SYNE3: variants seen among roughly 807,000 people sequenced by gnomAD.
The protein encoded by SYNE3 is spectrin repeat containing nuclear envelope family member 3.
A neutral mutation model predicts 111.2 loss-of-function variants in SYNE3; 100 were observed. The ratio of observed to expected loss-of-function variants is 0.90; its 90% CI spans 0.77 to 1.06. The LOEUF is 1.06. Ranked by LOEUF, SYNE3 falls within the 50% of genes least tolerant of loss-of-function variation. SYNE3 has a pLI of 0.00. For synonymous variants in SYNE3, 547 were observed against 533.9 expected (o/e 1.02, Z -0.34); for missense variants, 1,160 against 1,240.3 (o/e 0.94, Z 0.97).
Position 95,433,335 on chromosome 14 carries a change from G to A in SYNE3, c.2613C>T (p.Thr871=), listed in dbSNP as rs150194117. The change falls in exon 16 of 18, where the codon ACC becomes ACT. Residue 871 remains threonine (T), a synonymous_variant. Coordinates refer to ENST00000682763, the MANE Select transcript of SYNE3 (RefSeq NM_152592.6). The stretch of plus-strand genomic sequence containing the variant: ...AGCGCAGATCTTCCAGCTCATCCGA[G>A]GTCCCCCTTGCTGGCCCGAGACGAA... ...NLLRLGPARG[T]SDELEDLRYQ... 2.2e-5 allele frequency: 36 copies of A among 1,614,132 alleles called. No individual in the cohort carries two copies. The African/African-American group carries it at 4.0e-4, about 18-fold the overall frequency.
chr14:95,437,115 G>A, intron 14 of SYNE3, 134 bp from the exon 15 acceptor site: 1 of 976,456 alleles, frequency 1.0e-6, no homozygotes, highest in Non-Finnish European at 1.5e-6. Context: ...GAGGCCTGGG[G>A]GATGAACAAT....
Position 95,439,141 on chromosome 14 carries a change from C to T in SYNE3, c.2268G>A (p.Leu756=). 4 of 1,614,260 alleles carry T rather than the reference C, an allele frequency of 2.5e-6. No homozygotes were observed. Among genetic ancestry groups the T allele is most frequent in the Non-Finnish European group, 3.4e-6 (4 of 1,180,050 alleles). ...SLLSLIRNWH[L]QRMEVDSGKK... ...TCCCCGAATCCACTTCCATCCTCTGCAGATGCCAGTTTCTGATGAGGCTGA... is the reference window on the plus strand; with the variant it reads ...TCCCCGAATCCACTTCCATCCTCTGTAGATGCCAGTTTCTGATGAGGCTGA... Residue 756 remains leucine (L), a synonymous_variant, in exon 14 of 18, where the codon CTG becomes CTA. Coordinates refer to ENST00000682763, the MANE Select transcript of SYNE3 (RefSeq NM_152592.6).
At chr14:95,422,323 T>C (rs150374725) in intron 17 of SYNE3, among the ~76,000 whole-genome samples, 210 of 152,186 alleles carry the variant, frequency 1.4e-3, no homozygotes, top group African/African-American at 4.8e-3. Context: ...AGGGGCCTCC[T>C]AGGCACCTTG....
At chr14:95,429,068 C>T (rs546925143) in intron 17 of SYNE3, among the ~76,000 whole-genome samples, 45 of 152,214 alleles carry the variant, frequency 3.0e-4, no homozygotes, top group African/African-American at 6.5e-4. Context: ...TACGTGCATG[C>T]GTGCGCATAA....
chr14:95,513,723 T>G (rs1890801633), intron 1 of SYNE3, among the ~76,000 whole-genome samples: 2 of 125,530 alleles, frequency 1.6e-5, no homozygotes, highest in Admixed American at 8.7e-5. Flanking sequence ...TGTGGTCCAG[T>G]CAGGCTGCTT....
chr14:95,467,721 G>A (rs1481414316), intron 3 of SYNE3, 74 bp downstream of exon 3: 11 of 1,551,506 alleles, frequency 7.1e-6, no homozygotes, highest in Middle Eastern at 3.4e-4. Flanking sequence ...CTCTTGGGCA[G>A]AGGGCCCAAG....
chr14:95,483,268 T>C (rs1002655713), intron 1 of SYNE3, among the ~76,000 whole-genome samples: 1 of 152,148 alleles, frequency 6.6e-6, no homozygotes, highest in Non-Finnish European at 1.5e-5. Flanking sequence ...CAGGCCCCAT[T>C]AGCGATTACA....
intron 1 of SYNE3, among the ~76,000 whole-genome samples, chr14:95,487,619 T>C (rs1889614259): frequency 6.6e-6 from 1 of 152,170 alleles, no homozygotes; most frequent in Non-Finnish European, 1.5e-5. Context: ...GTTTTAGATA[T>C]ACACCTATAA....
Position 95,409,231 on chromosome 14 carries a change from A to C in SYNE3, c.*8595T>G, listed in dbSNP as rs1189024626. On this transcript the variant is annotated 3_prime_UTR_variant, in exon 18 of 18. Coordinates refer to ENST00000682763, the MANE Select transcript of SYNE3 (RefSeq NM_152592.6). The stretch of plus-strand genomic sequence containing the variant: ...ACTCCCCGCCTAGCTGGCTGCTCTG[A>C]GGCAGGCTGCTGACCCTCTCCACAC... 4.4e-6 allele frequency: 2 copies of C among 456,638 alleles called. No individual in the cohort carries two copies. Among genetic ancestry groups the C allele is most frequent in the African/African-American group, 4.0e-5 (2 of 50,088 alleles). 28.3% of individuals were successfully genotyped at this position (456,638 alleles called of 1,614,324 possible). A position where few individuals can be genotyped will look rare whatever the true frequency, so the allele number is the denominator to read the frequency against.
At chr14:95,514,863 GC>G (rs1161583424) in intron 1 of SYNE3, among the ~76,000 whole-genome samples, 2 of 152,206 alleles carry the variant, frequency 1.3e-5, no homozygotes, top group Non-Finnish European at 2.9e-5. Flanking sequence ...CCAAGCCAGG[GC>G]CCCCCGGCAG....
chr14:95,446,219 C>A, intron 8 of SYNE3, 128 bp from the exon 9 acceptor site: 1 of 1,114,846 alleles, frequency 9.0e-7, no homozygotes, highest in South Asian at 1.5e-5. Context: ...TCTGAGGAAG[C>A]AGCAAACTCA....
chr14:95,452,060 AT>A lies in SYNE3; in HGVS notation c.1274+186del, dbSNP rs1595207206. The A allele has an allele frequency of 2.8e-5, 18 of 638,744 alleles. No homozygotes were observed. The East Asian group carries it at 5.6e-4, about 20-fold the overall frequency. 39.6% of individuals were successfully genotyped at this position (638,744 alleles called of 1,614,324 possible). A position where few individuals can be genotyped will look rare whatever the true frequency, so the allele number is the denominator to read the frequency against. On this transcript the variant is annotated intron_variant, in intron 7 of 17. Coordinates refer to ENST00000682763, the MANE Select transcript of SYNE3 (RefSeq NM_152592.6). Reference sequence around the variant, plus strand: ...AGTTCAGGCCTCTTTCTGGGAGCAAATGCAAAACAGTCAAAGGGGACAGTGT... The same window carrying A: ...AGTTCAGGCCTCTTTCTGGGAGCAAAGCAAAACAGTCAAAGGGGACAGTGT...
In SYNE3 at chr14:95,470,971, C is replaced by T. The variant is rs943191769; in HGVS notation, c.145-3004G>A. ...CTCCAGCCTGGGCAACAGAGCAACACGCCGTCTCAGGAAAAAAAAAAAAAG... is the reference window on the plus strand; with the variant it reads ...CTCCAGCCTGGGCAACAGAGCAACATGCCGTCTCAGGAAAAAAAAAAAAAG... On this transcript the variant is annotated intron_variant, in intron 2 of 17. Coordinates refer to ENST00000682763, the MANE Select transcript of SYNE3 (RefSeq NM_152592.6). The surrounding 1 kb of genome is among the most constrained non-coding windows in gnomAD (Gnocchi z 4.2). Among the ~76,000 whole-genome samples the T allele has an allele frequency of 4.7e-5, 7 of 147,666 alleles. No individual in the cohort carries two copies. The highest frequency in any genetic ancestry group is 1.0e-4 in the African/African-American group (4 of 39,746).
intron 1 of SYNE3, among the ~76,000 whole-genome samples, chr14:95,476,129 A>G (rs1888875659): frequency 1.3e-5 from 2 of 152,226 alleles, no homozygotes; most frequent in Admixed American, 6.5e-5. Flanking sequence ...GCCCGGAGGC[A>G]ATTCTCGTCT....
intron 1 of SYNE3, among the ~76,000 whole-genome samples, chr14:95,491,004 G>A (rs1304804003): frequency 6.6e-6 from 1 of 152,218 alleles, no homozygotes; most frequent in Admixed American, 6.5e-5. Flanking sequence ...CAGAGGAGGA[G>A]GGCAGTGCTG....
chr14:95,444,816 C>T (rs901650930), intron 9 of SYNE3, among the ~76,000 whole-genome samples, 188 bp from the exon 10 acceptor site: 11 of 152,192 alleles, frequency 7.2e-5, no homozygotes, highest in East Asian at 1.9e-4. Flanking sequence ...GTCACTACAG[C>T]GTCCTCACAG....
intron 1 of SYNE3, among the ~76,000 whole-genome samples, chr14:95,489,820 C>T (rs889539240): frequency 2.0e-5 from 3 of 152,154 alleles, no homozygotes; most frequent in Non-Finnish European, 4.4e-5. Flanking sequence ...TCCTTGATTT[C>T]ACATGCTGCT....
intron 16 of SYNE3, among the ~76,000 whole-genome samples, chr14:95,432,712 GA>G (rs1885857520): frequency 1.3e-5 from 2 of 151,302 alleles, no homozygotes; most frequent in Admixed American, 6.6e-5. Context: ...CCCCGAAAAG[GA>G]AGGTGCTTGC....
At chr14:95,422,711 C>T (rs903378796) in intron 17 of SYNE3, among the ~76,000 whole-genome samples, 1 of 152,192 alleles carries the variant, frequency 6.6e-6, no homozygotes, top group South Asian at 2.1e-4. Flanking sequence ...GGAGGAGGCC[C>T]ACTGAGCCAG....
Sources: gnomAD v4.1 joint callset for allele counts (sites outside exome capture counted in the v4.1 genomes callset) on GRCh38, gnomAD v4.1.1 for gene constraint, Gnocchi (gnomAD v3.1) non-coding constraint, MANE v1.5 for transcripts, NCBI Gene and HGNC (gene_info 2026-07-23, HGNC 2026-07-21) for gene names.